SHPRH: variants seen among roughly 807,000 people sequenced by gnomAD.
SHPRH encodes the protein SNF2 histone linker PHD RING helicase.
In SHPRH, 106 loss-of-function variants were observed where a neutral mutation model predicts 202.5. That is an observed-to-expected ratio of 0.52 (90% confidence interval 0.45 to 0.62). The LOEUF is 0.62. Ranked by LOEUF, SHPRH falls within the 20% of genes least tolerant of loss-of-function variation. The pLI, the probability that SHPRH is intolerant of heterozygous loss-of-function variation, is 0.00. For synonymous variants in SHPRH, 729 were observed against 686.0 expected (o/e 1.06, Z -0.98); for missense variants, 1,710 against 2,020.0 (o/e 0.85, Z 2.94).
rs1780951083 is a variant in SHPRH, at chr6:145,885,787, A to G, written c.*904T>C. On this transcript the variant is annotated 3_prime_UTR_variant, in exon 30 of 30. Coordinates refer to ENST00000275233, the MANE Select transcript of SHPRH (RefSeq NM_001042683.3). ...CATGAATTCAGATATCACTGGCTAAAAAGTCTAGTTACACAAGAACATGGG... is the reference window on the plus strand; with the variant it reads ...CATGAATTCAGATATCACTGGCTAAGAAGTCTAGTTACACAAGAACATGGG... 1 of 152,176 alleles carries G rather than the reference A, an allele frequency of 6.6e-6. No homozygotes were observed. Among genetic ancestry groups the G allele is most frequent in the Admixed American group, 6.6e-5 (1 of 15,264 alleles). 9.4% of individuals were successfully genotyped at this position (152,176 alleles called of 1,614,324 possible). A position where few individuals can be genotyped will look rare whatever the true frequency, so the allele number is the denominator to read the frequency against.
chr6:145,859,626 A>C (rs1257155438), downstream of SHPRH, among the ~76,000 whole-genome samples: 1 of 152,084 alleles, frequency 6.6e-6, no homozygotes, highest in Non-Finnish European at 1.5e-5. Flanking sequence ...TCACAGATCA[A>C]GCAGCAGCAA....
At chr6:145,928,502 G>A (rs1785106151) in intron 14 of SHPRH, among the ~76,000 whole-genome samples, 1 of 151,612 alleles carries the variant, frequency 6.6e-6, no homozygotes, top group East Asian at 1.9e-4. Flanking sequence ...TGAATATCAT[G>A]TAATTAGGAC....
intron 3 of SHPRH, 45 bp downstream of exon 3, chr6:145,952,304 C>T (rs774667230): frequency 9.9e-6 from 15 of 1,519,518 alleles, no homozygotes; most frequent in Middle Eastern, 4.7e-4. Context: ...AAAAAACTCA[C>T]AACTCCTAAG....
Position 145,935,402 on chromosome 6 carries a change from T to C in SHPRH, c.2609A>G (p.Tyr870Cys), listed in dbSNP as rs1351368991. ...TCGAACCCACCAGTGTTTGACACAG[T>C]AAGGTTCAATACCAAGAAAGACCAC... Reference protein sequence around the residue: ...GLVVFLGIEPYCVKHWWVRLL... With the variant: ...GLVVFLGIEPCCVKHWWVRLL... Residue 870 changes from tyrosine (Y) to cysteine (C), a missense_variant, in exon 12 of 30, where the codon TAC becomes TGC. Physicochemically the swap from Tyr to Cys is radical, Grantham distance 194 (BLOSUM62 -2). Coordinates refer to ENST00000275233, the MANE Select transcript of SHPRH (RefSeq NM_001042683.3). 6.2e-7 allele frequency: 1 copy of C among 1,613,968 alleles called. No homozygotes were observed. Among genetic ancestry groups the C allele is most frequent in the South Asian group, 1.1e-5 (1 of 91,068 alleles).
At position 145,934,890 on chromosome 6, in the gene SHPRH, A is replaced by G; in HGVS notation, c.2990+17T>C. On this transcript the variant is annotated intron_variant, in intron 13 of 29. Coordinates refer to ENST00000275233, the MANE Select transcript of SHPRH (RefSeq NM_001042683.3). The stretch of plus-strand genomic sequence containing the variant: ...ATGATATACCAACTGCAATTAAAAA[A>G]AAGTTGATAATAAAACCTTTTTTGG... The G allele has an allele frequency of 1.3e-6, 2 of 1,580,636 alleles. No individual in the cohort carries two copies. The highest frequency in any genetic ancestry group is 1.1e-5 in the South Asian group (1 of 87,014).
rs755246595 is a variant in SHPRH, at chr6:145,955,139, T to C, written c.184A>G (p.Lys62Glu). The C allele has an allele frequency of 2.5e-6, 4 of 1,613,820 alleles. No individual in the cohort carries two copies. Among genetic ancestry groups the C allele is most frequent in the Non-Finnish European group, 3.4e-6 (4 of 1,179,948 alleles). ...TTATCTCTGTGAGCCACTTCTTCCTTTAGACTATCACTTAGAATGATATAA... is the reference window on the plus strand; with the variant it reads ...TTATCTCTGTGAGCCACTTCTTCCTCTAGACTATCACTTAGAATGATATAA... The part of the protein sequence containing the change: ...AHYIILSDSL[K>E]EEVAHRDKKR... The change falls in exon 2 of 30, where the codon AAG (lysine) becomes GAG (glutamate). Residue 62 changes from lysine (K) to glutamate (E), a missense_variant. Coordinates refer to ENST00000275233, the MANE Select transcript of SHPRH (RefSeq NM_001042683.3).
In SHPRH at chr6:145,884,892, T is replaced by TA. The variant is rs1298241574; in HGVS notation, c.*1798_*1799insT. 5 of 152,162 alleles carry TA rather than the reference T, an allele frequency of 3.3e-5. No homozygotes were observed. Among genetic ancestry groups the TA allele is most frequent in the African/African-American group, 1.2e-4 (5 of 41,444 alleles). 9.4% of individuals were successfully genotyped at this position (152,162 alleles called of 1,614,324 possible). Reference sequence around the variant, plus strand: ...TTTTGTCTAATACAGATAGGTTTTTTTATATATATGTAATTTGATTTTACA... The same window carrying TA: ...TTTTGTCTAATACAGATAGGTTTTTTATATATATATGTAATTTGATTTTACA... On this transcript the variant is annotated 3_prime_UTR_variant, in exon 30 of 30. Transcript: ENST00000275233.
chr6:145,956,929 T>C (rs990562445), intron 1 of SHPRH, among the ~76,000 whole-genome samples: 1 of 152,078 alleles, frequency 6.6e-6, no homozygotes, highest in Non-Finnish European at 1.5e-5. Flanking sequence ...ATGCCTACAA[T>C]ACAGGAAAGT....
rs1469122300 is a variant in SHPRH, at chr6:145,888,076, T to C, written c.4899A>G (p.Leu1633=). The part of the protein sequence containing the change: ...QTKPTIVHRF[L]IKATIEERMQ... ...TTCTTTCTTCTATTGTTGCTTTAAT[T>C]AAGAATCTGTGTACAATAGTAGGTC... Residue 1633 remains leucine (L), a synonymous_variant, in exon 29 of 30, where the codon TTA becomes TTG. Coordinates refer to ENST00000275233, the MANE Select transcript of SHPRH (RefSeq NM_001042683.3). 4 of 1,612,522 alleles carry C rather than the reference T, an allele frequency of 2.5e-6. No homozygotes were observed. The highest frequency in any genetic ancestry group is 3.4e-6 in the Non-Finnish European group (4 of 1,178,808).
intron 25 of SHPRH, chr6:145,907,028 A>G (rs1783026113): frequency 6.6e-6 from 1 of 152,120 alleles, no homozygotes; most frequent in Non-Finnish European, 1.5e-5. Context: ...ATAGGACTCA[A>G]TCTGAAGCAA....
chr6:145,889,653 T>C (rs1411541977), intron 28 of SHPRH, among the ~76,000 whole-genome samples: 1 of 152,144 alleles, frequency 6.6e-6, no homozygotes, highest in Non-Finnish European at 1.5e-5. Flanking sequence ...AAATTTCATG[T>C]TTAGACTGGG....
intron 11 of SHPRH, among the ~76,000 whole-genome samples, chr6:145,936,727 C>A (rs896705844): frequency 6.6e-6 from 1 of 152,136 alleles, no homozygotes; most frequent in African/African-American, 2.4e-5. Context: ...ATCCTTCCCA[C>A]ACCTACAACA....
chr6:145,865,840 T>A (rs1198172890), intron 2 of SHPRH, among the ~76,000 whole-genome samples: 1 of 152,058 alleles, frequency 6.6e-6, no homozygotes, highest in Non-Finnish European at 1.5e-5. Context: ...TCATTTCCTA[T>A]TTTTTTTCTT....
At chr6:145,956,117 TGAA>T (rs1165674664) in intron 1 of SHPRH, among the ~76,000 whole-genome samples, 1 of 151,632 alleles carries the variant, frequency 6.6e-6, no homozygotes, top group African/African-American at 2.4e-5. Flanking sequence ...CTGTCAAAAA[TGAA>T]GTAGAGATAA....
rs1286319905 is a variant in SHPRH at position 145,957,486 on chromosome 6, T to C, written c.-32-2132A>G. On this transcript the variant is annotated intron_variant, in intron 1 of 29. Transcript: ENST00000275233. ...TGATGAAGGATATGTTTGCAGAATA[T>C]ATAAAGAACTCTCACAAATTAATAG... 3.9e-5 allele frequency among the ~76,000 whole-genome samples: 6 copies of C among 152,134 alleles called. No homozygotes were observed. The South Asian group carries it at 6.2e-4, about 16-fold the overall frequency.
intron 25 of SHPRH, chr6:145,910,122 A>G (rs1011497357): frequency 5.2e-6 from 1 of 192,054 alleles, no homozygotes; most frequent in Non-Finnish European, 1.1e-5. Context: ...TTCTTTAAAT[A>G]AATCTCTAAT....
At chr6:145,872,973 A>G (rs1367286754) in intron 2 of SHPRH, among the ~76,000 whole-genome samples, 2 of 152,194 alleles carry the variant, frequency 1.3e-5, no homozygotes, top group African/African-American at 2.4e-5. Flanking sequence ...TACAAGTGGG[A>G]GCAAAATGAT....
At chr6:145,907,792 A>G (rs1783103396) in intron 25 of SHPRH, 1 of 117,930 alleles carries the variant, frequency 8.5e-6, no homozygotes, top group Admixed American at 8.3e-5. Context: ...TTAAAAAACA[A>G]AACAAAACAA....
At chr6:145,939,229 G>A (rs1050794363) in intron 11 of SHPRH, among the ~76,000 whole-genome samples, 3 of 152,116 alleles carry the variant, frequency 2.0e-5, no homozygotes, top group Non-Finnish European at 2.9e-5. Context: ...GAGGAAGAAA[G>A]ACAAAATTCT....
Sources: gnomAD v4.1 joint callset for allele counts (sites outside exome capture counted in the v4.1 genomes callset) on GRCh38, gnomAD v4.1.1 for gene constraint, MANE v1.5 for transcripts, NCBI Gene and HGNC (gene_info 2026-07-23, HGNC 2026-07-21) for gene names.